Variants in NELL1 observed in about 807,000 individuals in gnomAD.
NELL1 encodes neural EGFL like 1, also known as protein kinase C-binding protein NELL1.
Under a neutral mutation model 107.4 loss-of-function variants are expected in NELL1, and 76 were observed. The ratio of observed to expected loss-of-function variants is 0.71; its 90% CI spans 0.59 to 0.86. NELL1 has a LOEUF of 0.86. Among genes scored for constraint, NELL1 ranks in the 40% least tolerant of loss-of-function variants. The probability of loss-of-function intolerance (pLI) is 0.00; values close to 1 mark genes in which losing one functional copy is unlikely to be tolerated. For synonymous variants in NELL1, 353 were observed against 341.2 expected (o/e 1.03, Z -0.38); for missense variants, 1,024 against 1,005.5 (o/e 1.02, Z -0.25).
intron 15 of NELL1, among the ~76,000 whole-genome samples, chr11:21,489,335 T>A (rs1854728617): frequency 7.8e-6 from 1 of 127,402 alleles, no homozygotes; most frequent in African/African-American, 3.0e-5. Flanking sequence ...AGCTGAAGTC[T>A]GCTAAATGTG....
intron 14 of NELL1, among the ~76,000 whole-genome samples, chr11:21,299,570 T>A (rs1365408354): frequency 1.6e-4 from 24 of 148,194 alleles, no homozygotes; most frequent in Non-Finnish European, 1.0e-4. Flanking sequence ...TGTGTTTATT[T>A]TTTGGACCCA....
At chr11:20,802,919 A>T (rs1216657719) in intron 3 of NELL1, among the ~76,000 whole-genome samples, 2 of 152,140 alleles carry the variant, frequency 1.3e-5, no homozygotes, top group African/African-American at 2.4e-5. Context: ...GATAAATTTC[A>T]TTTGGTCATG....
At chr11:21,105,876 TC>T (rs1565062884) in intron 12 of NELL1, among the ~76,000 whole-genome samples, 1 of 35,610 alleles carries the variant, frequency 2.8e-5, no homozygotes. Flanking sequence ...CTCCCCTTCC[TC>T]TCTCCTCTCC....
chr11:20,927,466 C>G (rs746136636), intron 8 of NELL1, 24 bp downstream of exon 8: 1 of 1,596,822 alleles, frequency 6.3e-7, no homozygotes, highest in Non-Finnish European at 8.5e-7. Flanking sequence ...TAAATAAATA[C>G]AGTAAAAACA....
intron 15 of NELL1, among the ~76,000 whole-genome samples, chr11:21,432,224 G>T (rs990031321): frequency 1.3e-5 from 2 of 151,506 alleles, no homozygotes; most frequent in Non-Finnish European, 2.9e-5. Context: ...TTGATTTTTT[G>T]ACTTTTCAGC....
At chr11:21,006,894 C>G (rs1231352586) in intron 12 of NELL1, among the ~76,000 whole-genome samples, 1 of 152,134 alleles carries the variant, frequency 6.6e-6, no homozygotes, top group Non-Finnish European at 1.5e-5. Flanking sequence ...AACATCATCT[C>G]TAGCAACCTT....
At chr11:20,837,915 T>A (rs1848562078) in intron 3 of NELL1, among the ~76,000 whole-genome samples, 1 of 152,090 alleles carries the variant, frequency 6.6e-6, no homozygotes, top group Non-Finnish European at 1.5e-5. Flanking sequence ...CAATATTCCA[T>A]CCTCAAGGAG....
chr11:21,479,726 G>A (rs966165663), intron 15 of NELL1, among the ~76,000 whole-genome samples: 1 of 152,006 alleles, frequency 6.6e-6, no homozygotes, highest in African/African-American at 2.4e-5. Flanking sequence ...AAATGCTTGG[G>A]GTGATGAATA....
intron 4 of NELL1, among the ~76,000 whole-genome samples, chr11:20,867,219 G>T (rs1333384395): frequency 6.6e-6 from 1 of 152,086 alleles, no homozygotes; most frequent in African/African-American, 2.4e-5. Context: ...TAAGAGAAAG[G>T]CTGTGTTTAT....
intron 14 of NELL1, among the ~76,000 whole-genome samples, chr11:21,324,376 A>T (rs1324764095): frequency 6.6e-6 from 1 of 152,148 alleles, no homozygotes; most frequent in Admixed American, 6.6e-5. Context: ...TTATTGGATA[A>T]AAATTGAAAA....
At chr11:21,027,282 CTAGTTTAGTTTAGTTTAGTTTAGTT>C (rs60300243) in intron 12 of NELL1, among the ~76,000 whole-genome samples, 23 of 141,000 alleles carry the variant, frequency 1.6e-4, no homozygotes, top group Non-Finnish European at 2.4e-4. Flanking sequence ...TGGGAAAAGC[CTAGTTTAGTTTAGTTTAGTTTAGTT>C]TAGTTTAGTT....
At chr11:21,124,244 GT>G (rs1046638410) in intron 13 of NELL1, among the ~76,000 whole-genome samples, 1 of 152,024 alleles carries the variant, frequency 6.6e-6, no homozygotes, top group African/African-American at 2.4e-5. Flanking sequence ...GTGACATTGA[GT>G]TTTTTTCCCC....
At chr11:21,217,885 C>A (rs758985681) in intron 13 of NELL1, among the ~76,000 whole-genome samples, 1 of 152,162 alleles carries the variant, frequency 6.6e-6, no homozygotes, top group Non-Finnish European at 1.5e-5. Flanking sequence ...TTGATCATGG[C>A]TACTGACGCC....
intron 15 of NELL1, among the ~76,000 whole-genome samples, chr11:21,513,886 G>T (rs558326030): frequency 7.8e-4 from 119 of 152,170 alleles, no homozygotes; most frequent in Non-Finnish European, 1.3e-3. Context: ...TAGAGCCTGA[G>T]CCCCCCTGGT....
chr11:21,170,212 G>T (rs149735244), intron 13 of NELL1: 4 of 488,338 alleles, frequency 8.2e-6, no homozygotes, highest in Non-Finnish European at 1.1e-5. Flanking sequence ...TCTGTCGAAC[G>T]TGTTGGGAAA....
At chr11:21,108,154 T>A (rs1340967825) in intron 12 of NELL1, among the ~76,000 whole-genome samples, 1 of 152,198 alleles carries the variant, frequency 6.6e-6, no homozygotes, top group African/African-American at 2.4e-5. Context: ...CTCCTAAGTA[T>A]ATCCCTCCCT....
At chr11:20,690,744 T>C (rs1415690446) in intron 2 of NELL1, among the ~76,000 whole-genome samples, 2 of 152,002 alleles carry the variant, frequency 1.3e-5, no homozygotes, top group Non-Finnish European at 2.9e-5. Flanking sequence ...TCTTTTGGCT[T>C]AGGATTGACT....
rs537396381 is a variant in NELL1, at chr11:21,484,989, G to A, written c.1646-49385G>A. The stretch of plus-strand genomic sequence containing the variant: ...GGAGAGGGAAATAGGCAGGCTGGTT[G>A]GCCAGGACTGACTAGGAACTGGGAG... On this transcript the variant is annotated intron_variant, in intron 15 of 19. Transcript: ENST00000357134. Among the ~76,000 whole-genome samples, 3 of 152,228 alleles carry A rather than the reference G, an allele frequency of 2.0e-5. No homozygotes were observed. In the South Asian group the frequency reaches 6.2e-4, roughly 32 times the overall value.
At chr11:20,981,982 TTC>T (rs944998189) in intron 12 of NELL1, among the ~76,000 whole-genome samples, 1 of 125,280 alleles carries the variant, frequency 8.0e-6, no homozygotes, top group Admixed American at 7.5e-5. Context: ...CTCTCTCTCT[TTC>T]TCTCTCTTTC....
Sources: gnomAD v4.1 joint callset for allele counts (sites outside exome capture counted in the v4.1 genomes callset) on GRCh38, gnomAD v4.1.1 for gene constraint, MANE v1.5 for transcripts, NCBI Gene and HGNC (gene_info 2026-07-23, HGNC 2026-07-21) for gene names.